SYNPO: variants seen among roughly 807,000 people sequenced by gnomAD.
The protein encoded by SYNPO is synaptopodin.
A neutral mutation model predicts 49.5 loss-of-function variants in SYNPO; 19 were observed. The ratio of observed to expected loss-of-function variants is 0.38; its 90% CI spans 0.27 to 0.56. The LOEUF (loss-of-function observed/expected upper bound fraction) is 0.56. Among genes scored for constraint, SYNPO ranks in the 20% least tolerant of loss-of-function variants. The pLI is 0.68. For synonymous variants in SYNPO, 536 were observed against 548.0 expected (o/e 0.98, Z 0.31); for missense variants, 1,131 against 1,248.3 (o/e 0.91, Z 1.42).
At position 150,656,724 on chromosome 5, in the gene SYNPO, C is replaced by A. The variant is rs1401856987; in HGVS notation, c.2349C>A (p.Phe783Leu). The A allele has an allele frequency of 1.5e-6, 2 of 1,365,374 alleles. No individual in the cohort carries two copies. The highest frequency in any genetic ancestry group is 3.5e-5 in the South Asian group (2 of 57,502). 84.6% of individuals were successfully genotyped at this position (1,365,374 alleles called of 1,614,324 possible). Reference protein sequence around the residue: ...RSAGAENPRPFSPPRAPPPPP... With the variant: ...RSAGAENPRPLSPPRAPPPPP... ...CGGGCGCCGAGAACCCGCGGCCCTT[C>A]TCCCCGCCGAGGGCGCCACCGCCCC... Residue 783 changes from phenylalanine to leucine, a missense_variant, in exon 3 of 3, where the codon TTC becomes TTA. This residue lies in a region of SYNPO where 509 missense variants were observed against 484.5 expected (regional missense o/e 1.05). Transcript: ENST00000307662.
chr5:150,650,339 C>A (rs1758325974), intron 2 of SYNPO, 36 bp downstream of exon 2: 1 of 1,613,320 alleles, frequency 6.2e-7, no homozygotes, highest in African/African-American at 1.3e-5. Flanking sequence ...AGTAACGAAC[C>A]CCACGGGGGT....
intron 2 of SYNPO, chr5:150,651,001 C>T: frequency 8.1e-7 from 1 of 1,238,804 alleles, no homozygotes; most frequent in Non-Finnish European, 1.0e-6. Context: ...TTTCTTCCTG[C>T]CCCCTCTGAG....
chr5:150,624,655 G>T, intron 2 of SYNPO: 1 of 180,310 alleles, frequency 5.5e-6, no homozygotes, highest in South Asian at 1.9e-4. Context: ...GGGCCCCGGG[G>T]AGCAGGCAGC....
chr5:150,593,176 C>G, the SYNPO span, among the ~76,000 whole-genome samples: 3 of 152,194 alleles, frequency 2.0e-5, no homozygotes, highest in African/African-American at 7.2e-5. Context: ...GGCCTTAGGC[C>G]CCCAGACCAG....
intron 1 of SYNPO, among the ~76,000 whole-genome samples, chr5:150,612,116 G>C (rs913308555): frequency 2.0e-5 from 3 of 152,162 alleles, no homozygotes; most frequent in African/African-American, 7.2e-5. Flanking sequence ...GGTCAGGTTC[G>C]CAAGGACAAC....
Position 150,625,965 on chromosome 5 carries a change from G to T in SYNPO, c.400+7198G>T, listed in dbSNP as rs1360322160. ...TCTTGGCCTCCGGTGAGAGGGTTTGGCAGGGTAGCCCCTGAGGGGGAAATT... is the reference window on the plus strand; with the variant it reads ...TCTTGGCCTCCGGTGAGAGGGTTTGTCAGGGTAGCCCCTGAGGGGGAAATT... On this transcript the variant is annotated intron_variant, in intron 2 of 2. Transcript: ENST00000394243. Among the ~76,000 whole-genome samples the T allele has an allele frequency of 3.9e-5, 6 of 152,256 alleles. No individual in the cohort carries two copies. In the South Asian group the frequency reaches 6.2e-4, roughly 16 times the overall value.
At chr5:150,640,915 T>A in intron 1 of SYNPO, 61 bp downstream of exon 1, 2 of 856,152 alleles carry the variant, frequency 2.3e-6, no homozygotes, top group Non-Finnish European at 2.8e-6. Context: ...TTAGGGCATG[T>A]GGCATCCCCC....
chr5:150,618,657 C>A (rs763119227), exon 2 of SYNPO: 7 of 1,550,980 alleles, frequency 4.5e-6, no homozygotes, highest in Non-Finnish European at 5.2e-6. Flanking sequence ...GAACAAGGGG[C>A]GTCCCAGCAC....
chr5:150,611,421 C>T (rs1039809509), intron 1 of SYNPO, among the ~76,000 whole-genome samples: 6 of 152,176 alleles, frequency 3.9e-5, no homozygotes, highest in African/African-American at 1.4e-4. Flanking sequence ...CTGAAGTTAC[C>T]CACTATTCTG....
At chr5:150,643,182 G>A (rs959733112) in intron 1 of SYNPO, among the ~76,000 whole-genome samples, 4 of 152,342 alleles carry the variant, frequency 2.6e-5, no homozygotes, top group Admixed American at 1.3e-4. Context: ...GGCCAGCCAG[G>A]AGCCTGGTGC....
chr5:150,597,909 A>C (rs145014917), upstream of SYNPO, among the ~76,000 whole-genome samples: 4,213 of 152,206 alleles, frequency 0.028, 181 homozygotes, highest in African/African-American at 0.097. Flanking sequence ...AAATGCTGGG[A>C]TTACAGGCAT....
intron 2 of SYNPO, among the ~76,000 whole-genome samples, chr5:150,633,495 G>A (rs76930957): frequency 6.6e-6 from 1 of 152,190 alleles, no homozygotes; most frequent in Non-Finnish European, 1.5e-5. Flanking sequence ...TTCTCCAGAG[G>A]CATGGAGAAG....
At chr5:150,619,488 GA>G (rs1304874797) in intron 2 of SYNPO, among the ~76,000 whole-genome samples, 3 of 152,184 alleles carry the variant, frequency 2.0e-5, no homozygotes, top group African/African-American at 7.2e-5. Context: ...CGGAAGGAAG[GA>G]AGGGCAGGAA....
chr5:150,611,295 T>C (rs780807876), intron 1 of SYNPO, among the ~76,000 whole-genome samples: 12 of 152,208 alleles, frequency 7.9e-5, no homozygotes, highest in Non-Finnish European at 1.5e-4. Context: ...AAAATAGTGA[T>C]GGCACTTAGC....
intron 2 of SYNPO, among the ~76,000 whole-genome samples, chr5:150,621,909 G>C (rs1388569142): frequency 6.6e-6 from 1 of 151,954 alleles, no homozygotes; most frequent in Non-Finnish European, 1.5e-5. Flanking sequence ...CCAACACTAG[G>C]GCCCCCAGCT....
chr5:150,608,696 C>A (rs550130691), intron 1 of SYNPO, among the ~76,000 whole-genome samples: 2 of 152,078 alleles, frequency 1.3e-5, no homozygotes, highest in Non-Finnish European at 2.9e-5. Flanking sequence ...AACCTACCTG[C>A]GCATAGGAAC....
intron 2 of SYNPO, chr5:150,651,335 C>CCACT: frequency 7.0e-6 from 7 of 1,000,524 alleles, no homozygotes; most frequent in Non-Finnish European, 8.4e-6. Flanking sequence ...TGACTTTGGC[C>CCACT]CACTCACATT....
intron 2 of SYNPO, among the ~76,000 whole-genome samples, chr5:150,632,586 C>T (rs1157129970): frequency 1.3e-5 from 2 of 152,128 alleles, no homozygotes; most frequent in African/African-American, 2.4e-5. Flanking sequence ...GCCATCTGCT[C>T]ACCCCCTGAG....
rs146330327 is a variant in SYNPO, at chr5:150,629,956, T to C, written c.400+11189T>C. 1.3e-3 allele frequency among the ~76,000 whole-genome samples: 202 copies of C among 151,000 alleles called. 1 individual carries two copies. Among genetic ancestry groups the C allele is most frequent in the Middle Eastern group, 3.4e-3 (1 of 294 alleles). On this transcript the variant is annotated intron_variant, in intron 2 of 2. Coordinates refer to the SYNPO transcript ENST00000394243. Reference sequence around the variant, plus strand: ...ATGGTCTCTCCCACACTAGATGGAGTGCCAGGGGCTCAGAAAAAGCAAGCC... The same window carrying C: ...ATGGTCTCTCCCACACTAGATGGAGCGCCAGGGGCTCAGAAAAAGCAAGCC...
Sources: gnomAD v4.1 joint callset for allele counts (sites outside exome capture counted in the v4.1 genomes callset) on GRCh38, gnomAD v4.1.1 for gene constraint, gnomAD v4.1.1 regional missense constraint, MANE v1.5 for transcripts, NCBI Gene and HGNC (gene_info 2026-07-23, HGNC 2026-07-21) for gene names.